The following SORCS2 variants were observed in gnomAD, a reference collection of about 807,000 sequenced individuals.
SORCS2 encodes VPS10 domain-containing receptor SorCS2.
In SORCS2, 100 loss-of-function variants were observed where a neutral mutation model predicts 141.6. The observed-to-expected ratio is 0.71, with a 90% confidence interval of 0.60 to 0.83. The LOEUF (loss-of-function observed/expected upper bound fraction) is 0.83, where lower values mean the gene tolerates loss of function less well. Ranked by LOEUF, SORCS2 falls within the 40% of genes least tolerant of loss-of-function variation. SORCS2 has a pLI of 0.00. For synonymous variants in SORCS2, 789 were observed against 676.9 expected, an observed-to-expected ratio of 1.17 and a Z score of -2.57; for missense variants, 1,646 against 1,560.2, an observed-to-expected ratio of 1.05 and a Z score of -0.93.
At chr4:7,560,979 C>T (rs144713631) in intron 3 of SORCS2, among the ~76,000 whole-genome samples, 8 of 152,184 alleles carry the variant, frequency 5.3e-5, no homozygotes, top group African/African-American at 7.2e-5. Context: ...TGGAGCTTGC[C>T]GCCATATTTG....
At chr4:7,228,454 G>A (rs571300436) in intron 1 of SORCS2, among the ~76,000 whole-genome samples, 15 of 152,316 alleles carry the variant, frequency 9.8e-5, no homozygotes, top group African/African-American at 3.6e-4. Flanking sequence ...TGGATGAGGT[G>A]CGGATTCCCT....
chr4:7,385,737 T>A (rs1173191248), intron 1 of SORCS2, among the ~76,000 whole-genome samples: 1 of 152,168 alleles, frequency 6.6e-6, no homozygotes, highest in Non-Finnish European at 1.5e-5. Flanking sequence ...GGCTCCTGCC[T>A]CGGGGGTATA....
chr4:7,477,849 C>G (rs932320828), intron 2 of SORCS2, among the ~76,000 whole-genome samples: 1 of 152,214 alleles, frequency 6.6e-6, no homozygotes, highest in Non-Finnish European at 1.5e-5. Flanking sequence ...ACCTGGGCCA[C>G]TTTCCCTTCC....
At chr4:7,588,430 C>T (rs1307225661) in intron 3 of SORCS2, among the ~76,000 whole-genome samples, 4 of 152,324 alleles carry the variant, frequency 2.6e-5, no homozygotes, top group African/African-American at 9.6e-5. Flanking sequence ...GGCTGGGTTT[C>T]TGCCAAGGCC....
chr4:7,417,719 A>C (rs1725788870), intron 2 of SORCS2, among the ~76,000 whole-genome samples: 1 of 152,012 alleles, frequency 6.6e-6, no homozygotes, highest in Admixed American at 6.5e-5. Context: ...CCAGGCGTGC[A>C]CTCCTCTGGT....
At chr4:7,488,786 C>T (rs746811131) in intron 2 of SORCS2, among the ~76,000 whole-genome samples, 5 of 152,222 alleles carry the variant, frequency 3.3e-5, no homozygotes, top group African/African-American at 1.2e-4. Flanking sequence ...CTTCCTGTTG[C>T]TCCTGTCTTC....
rs116312192 is a variant in SORCS2, at chr4:7,733,305, C to G, written c.3109-17C>G. ...CCTCCATGGAGGCCTCACTCACTGTCCCCTCTGTGCTTGCAGAGGCTCGCC... is the reference window on the plus strand; with the variant it reads ...CCTCCATGGAGGCCTCACTCACTGTGCCCTCTGTGCTTGCAGAGGCTCGCC... On this transcript the variant is annotated splice_polypyrimidine_tract_variant and intron_variant, in intron 23 of 26. Transcript: ENST00000507866. 4.6e-6 allele frequency: 7 copies of G among 1,532,738 alleles called. No homozygotes were observed. Among genetic ancestry groups the G allele is most frequent in the East Asian group, 2.4e-5 (1 of 40,914 alleles). The allele number at this position is 1,532,738 out of a possible 1,614,324, so 94.9% of individuals were successfully genotyped here.
At chr4:7,316,567 A>G (rs1296498207) in intron 1 of SORCS2, among the ~76,000 whole-genome samples, 1 of 152,200 alleles carries the variant, frequency 6.6e-6, no homozygotes, top group Non-Finnish European at 1.5e-5. Flanking sequence ...TGGACAAGTT[A>G]TCTGACCTTC....
chr4:7,298,029 T>G (rs909747405), intron 1 of SORCS2, among the ~76,000 whole-genome samples: 5 of 152,252 alleles, frequency 3.3e-5, no homozygotes, highest in African/African-American at 1.2e-4. Context: ...TTCTAGGGCC[T>G]GAGCCACCTC....
chr4:7,604,600 A>G (rs1277901242), intron 3 of SORCS2, among the ~76,000 whole-genome samples: 1 of 152,196 alleles, frequency 6.6e-6, no homozygotes, highest in African/African-American at 2.4e-5. Context: ...CGCCCGGCCT[A>G]TGGTGATGGT....
Position 7,294,077 on chromosome 4 carries a change from G to A in SORCS2, c.480+100951G>A, listed in dbSNP as rs1716791406. On this transcript the variant is annotated intron_variant, in intron 1 of 26. Transcript: ENST00000507866. ...TTCCGGAAGGTCAGGTATGACTGAA[G>A]CCAAAGTTGCCTCAGAGGCTGGGGA... Among the ~76,000 whole-genome samples the A allele has an allele frequency of 2.6e-5, 4 of 152,316 alleles. No homozygotes were observed. In the South Asian group the frequency reaches 8.3e-4, roughly 32 times the overall value.
chr4:7,273,936 G>A (rs1426309165), intron 1 of SORCS2, among the ~76,000 whole-genome samples: 1 of 152,210 alleles, frequency 6.6e-6, no homozygotes, highest in Non-Finnish European at 1.5e-5. Flanking sequence ...CTGGGGCTCT[G>A]ACATGGAGAC....
intron 2 of SORCS2, chr4:7,433,863 C>A: frequency 2.5e-6 from 4 of 1,613,908 alleles, no homozygotes; most frequent in Non-Finnish European, 3.4e-6. Flanking sequence ...AGGTGTCCAC[C>A]AAGATGATGC....
intron 14 of SORCS2, among the ~76,000 whole-genome samples, chr4:7,706,861 C>T (rs994780611): frequency 6.6e-6 from 1 of 152,146 alleles, no homozygotes; most frequent in African/African-American, 2.4e-5. Context: ...GAGTATGTCC[C>T]CTCGTTTGTT....
intron 1 of SORCS2, among the ~76,000 whole-genome samples, chr4:7,251,929 T>G (rs4234799): frequency 0.89 from 135,498 of 152,076 alleles, 60,458 homozygotes; most frequent in African/African-American, 0.95. Flanking sequence ...GGACTGGGCA[T>G]CCCACATTCT....
chr4:7,419,998 C>G (rs1223933659), intron 2 of SORCS2, among the ~76,000 whole-genome samples: 1 of 152,232 alleles, frequency 6.6e-6, no homozygotes, highest in Non-Finnish European at 1.5e-5. Flanking sequence ...TAGCTCTGCA[C>G]ACTCCTCTCC....
chr4:7,724,169 G>GTGGTGA (rs1726834299), intron 19 of SORCS2, among the ~76,000 whole-genome samples: 1 of 147,474 alleles, frequency 6.8e-6, no homozygotes, highest in African/African-American at 2.6e-5. Flanking sequence ...GGTGATGGTG[G>GTGGTGA]TGATGGTGAT....
chr4:7,575,863 A>C (rs1177414031), intron 3 of SORCS2, among the ~76,000 whole-genome samples: 1 of 152,204 alleles, frequency 6.6e-6, no homozygotes, highest in Non-Finnish European at 1.5e-5. Flanking sequence ...AGGGTCCAAT[A>C]TTTGTAGTGG....
At chr4:7,635,104 G>A (rs1292083737) in intron 3 of SORCS2, among the ~76,000 whole-genome samples, 1 of 152,350 alleles carries the variant, frequency 6.6e-6, no homozygotes, top group African/African-American at 2.4e-5. Context: ...GCTGATGCTG[G>A]CATCCTCCTC....
Sources: gnomAD v4.1 joint callset for allele counts (sites outside exome capture counted in the v4.1 genomes callset) on GRCh38, gnomAD v4.1.1 for gene constraint, MANE v1.5 for transcripts, NCBI Gene and HGNC (gene_info 2026-07-23, HGNC 2026-07-21) for gene names.